The following TBC1D1 variants were observed in gnomAD, a reference collection of about 807,000 sequenced individuals.
The protein encoded by TBC1D1 is TBC1 (tre-2/USP6, BUB2, cdc16) domain family, member 1.
A neutral mutation model predicts 125.6 loss-of-function variants in TBC1D1; 89 were observed. The ratio of observed to expected loss-of-function variants is 0.71; its 90% confidence interval spans 0.60 to 0.85. The LOEUF is 0.85. TBC1D1 is among the 40% of genes least tolerant of loss of function. The probability of loss-of-function intolerance (pLI) is 0.00; values close to 1 mark genes in which losing one functional copy is unlikely to be tolerated. For synonymous variants in TBC1D1, 565 were observed against 564.1 expected (o/e 1.00, Z -0.02); for missense variants, 1,377 against 1,469.2 (o/e 0.94, Z 1.03).
At chr4:37,913,149 A>C (rs1047122514) in intron 2 of TBC1D1, among the ~76,000 whole-genome samples, 9 of 152,198 alleles carry the variant, frequency 5.9e-5, no homozygotes, top group African/African-American at 1.7e-4. Flanking sequence ...AATACCCAAC[A>C]GAGTTTTAAT....
At chr4:38,121,297 G>T (rs658080) in intron 17 of TBC1D1, among the ~76,000 whole-genome samples, 79,233 of 152,040 alleles carry the variant, frequency 0.52, 21,096 homozygotes, top group Middle Eastern at 0.61. Context: ...TGCAGTGCAA[G>T]CTCACATAGG....
intron 6 of TBC1D1, among the ~76,000 whole-genome samples, chr4:38,026,273 G>A (rs1188451475): frequency 6.6e-6 from 1 of 152,202 alleles, no homozygotes; most frequent in African/African-American, 2.4e-5. Context: ...AGTGTGATAG[G>A]AGCAGCCACC....
chr4:38,084,695 G>A (rs575015425), intron 12 of TBC1D1, among the ~76,000 whole-genome samples: 16 of 151,416 alleles, frequency 1.1e-4, no homozygotes, highest in Middle Eastern at 3.5e-3. Flanking sequence ...TCAAACAGAG[G>A]TTTGAGAATA....
At position 37,982,867 on chromosome 4, in the gene TBC1D1, G is replaced by A. The variant is rs577690541; in HGVS notation, c.418-31642G>A. Among the ~76,000 whole-genome samples, 9 of 152,112 alleles carry A rather than the reference G, an allele frequency of 5.9e-5. No individual in the cohort carries two copies. In the South Asian group the frequency reaches 1.7e-3, roughly 28 times the overall value. On this transcript the variant is annotated intron_variant, in intron 2 of 19. Transcript: ENST00000261439. ...TCTGATTAATCATTCATTCATTGAC[G>A]AATGTACTAAGCAGGGCAGAGAATA...
At chr4:38,127,315 C>T (rs1047349345) in intron 18 of TBC1D1, among the ~76,000 whole-genome samples, 1 of 151,408 alleles carries the variant, frequency 6.6e-6, no homozygotes, top group Non-Finnish European at 1.5e-5. Context: ...AATAGCTGTG[C>T]GTGTACCTGG....
At chr4:37,958,351 A>T (rs1729306859) in intron 2 of TBC1D1, among the ~76,000 whole-genome samples, 1 of 152,202 alleles carries the variant, frequency 6.6e-6, no homozygotes, top group Non-Finnish European at 1.5e-5. Context: ...CTGGTCCCAG[A>T]TGATTCTTCA....
At chr4:38,127,766 G>T (rs1467644769) in intron 18 of TBC1D1, among the ~76,000 whole-genome samples, 12 of 152,100 alleles carry the variant, frequency 7.9e-5, no homozygotes, top group Admixed American at 7.9e-4. Flanking sequence ...AACATGCCCG[G>T]CCCCTTGTAG....
Position 37,995,774 on chromosome 4 carries a change from G to T in TBC1D1, c.418-18735G>T, listed in dbSNP as rs1037149126. ...GTCTTAACTGCATTCACCCTCTCCA[G>T]CACCTTCTCCTGGATTGCTACCCCA... is the stretch of plus-strand genomic sequence containing the variant. On this transcript the variant is annotated intron_variant, in intron 2 of 19. Coordinates refer to ENST00000261439, the MANE Select transcript of TBC1D1 (RefSeq NM_015173.4). The surrounding 1 kb of genome is among the most constrained non-coding windows in gnomAD (Gnocchi z 4.3). 5.6e-6 allele frequency: 3 copies of T among 535,976 alleles called. No homozygotes were observed. The African/African-American group carries it at 5.7e-5, about 10-fold the overall frequency. The allele number at this position is 535,976 out of a possible 1,614,324, so 33.2% of individuals were successfully genotyped here. A position where few individuals can be genotyped will look rare whatever the true frequency, so the allele number is the denominator to read the frequency against.
chr4:38,109,461 G>C (rs749999043), intron 15 of TBC1D1, among the ~76,000 whole-genome samples: 1 of 152,180 alleles, frequency 6.6e-6, no homozygotes, highest in Non-Finnish European at 1.5e-5. Context: ...AAGTCAGTCG[G>C]TGGTGCTGGC....
At position 38,020,714 on chromosome 4, in the gene TBC1D1, T is replaced by C; in HGVS notation, c.1077+19T>C. On this transcript the variant is annotated intron_variant, in intron 5 of 19. Transcript: ENST00000261439. ...GGCTCTGGTGAGAGAGGACAAGCAA[T>C]TCTTACCTTGGAACCTTCTTTACAA... 2 of 1,603,176 alleles carry C rather than the reference T, an allele frequency of 1.2e-6. No homozygotes were observed. The highest frequency in any genetic ancestry group is 1.7e-6 in the Non-Finnish European group (2 of 1,171,314).
At chr4:38,133,835 G>A (rs1305402522) in intron 19 of TBC1D1, among the ~76,000 whole-genome samples, 3 of 152,152 alleles carry the variant, frequency 2.0e-5, no homozygotes, top group East Asian at 1.9e-4. Flanking sequence ...GACTGTGCAC[G>A]CAGGAGGGTG....
Position 37,977,156 on chromosome 4 carries a change from G to T in TBC1D1, c.418-37353G>T, listed in dbSNP as rs1377833264. Among the ~76,000 whole-genome samples, 2 of 152,134 alleles carry T rather than the reference G, an allele frequency of 1.3e-5. No individual in the cohort carries two copies. ...TTCCTGCGCAGCCCTGGGCATCTCG[G>T]AAGGGGGCGACCCCAGCATGTCCCA... On this transcript the variant is annotated intron_variant, in intron 2 of 19. Transcript: ENST00000261439. This position sits in a 1 kb window ranked among gnomAD's most constrained non-coding sequence, Gnocchi z 4.3.
intron 2 of TBC1D1, among the ~76,000 whole-genome samples, chr4:37,933,433 T>TAC (rs3038289): frequency 0.015 from 2,171 of 147,344 alleles, 17 homozygotes; most frequent in Middle Eastern, 0.021. Context: ...ACATATGTTT[T>TAC]ACACACACAC....
chr4:37,891,524 T>G (rs545237411), intron 1 of TBC1D1, among the ~76,000 whole-genome samples, 176 bp downstream of exon 1: 1 of 146,946 alleles, frequency 6.8e-6, no homozygotes, highest in South Asian at 2.3e-4. Flanking sequence ...TGCCATCTCG[T>G]TGCCCCCCTT....
rs1433562908 is a variant in TBC1D1 at position 38,070,032 on chromosome 4, TGGAGGGG to T, written c.2050+15696_2050+15702del. Among the ~76,000 whole-genome samples, 3 of 152,252 alleles carry T rather than the reference TGGAGGGG, an allele frequency of 2.0e-5. No individual in the cohort carries two copies. In the East Asian group the frequency reaches 5.8e-4, roughly 29 times the overall value. On this transcript the variant is annotated intron_variant, in intron 12 of 19. Coordinates refer to ENST00000261439, the MANE Select transcript of TBC1D1 (RefSeq NM_015173.4). ...GGGAGGTGTGGAGCAGGGTCAGAGC[TGGAGGGG>T]GAGGGCATAGCCTCCAGCCACCATA...
intron 4 of TBC1D1, among the ~76,000 whole-genome samples, chr4:38,020,334 C>T (rs1342268346): frequency 2.6e-5 from 4 of 151,862 alleles, no homozygotes; most frequent in South Asian, 2.1e-4. Flanking sequence ...AAAAATTAGC[C>T]GGGTGTGGTG....
intron 8 of TBC1D1, among the ~76,000 whole-genome samples, chr4:38,037,432 C>G (rs757045156): frequency 6.6e-6 from 1 of 151,958 alleles, no homozygotes; most frequent in East Asian, 1.9e-4. Flanking sequence ...GCCCTAATCC[C>G]CTGATGAGGT....
chr4:38,115,098 C>CTTTTTTTTTT (rs56997021), intron 15 of TBC1D1, among the ~76,000 whole-genome samples: 2 of 134,632 alleles, frequency 1.5e-5, no homozygotes, highest in African/African-American at 5.7e-5. Flanking sequence ...TTTCTTTTTT[C>CTTTTTTTTTT]TTTTTTTTTT....
At chr4:38,005,493 T>C (rs1739953101) in intron 2 of TBC1D1, among the ~76,000 whole-genome samples, 1 of 152,132 alleles carries the variant, frequency 6.6e-6, no homozygotes, top group Non-Finnish European at 1.5e-5. Flanking sequence ...TTCCCTGGTG[T>C]TTATGTCTGG....
Sources: gnomAD v4.1 joint callset for allele counts (sites outside exome capture counted in the v4.1 genomes callset) on GRCh38, gnomAD v4.1.1 for gene constraint, Gnocchi (gnomAD v3.1) non-coding constraint, MANE v1.5 for transcripts, NCBI Gene and HGNC (gene_info 2026-07-23, HGNC 2026-07-21) for gene names.